Variants in PCDHGA6 observed in about 807,000 individuals in gnomAD.
PCDHGA6 encodes the protein protocadherin gamma subfamily A, 6.
Under a neutral mutation model 60.6 loss-of-function variants are expected in PCDHGA6, and 41 were observed. That is an observed-to-expected ratio of 0.68 (90% CI 0.53 to 0.88). PCDHGA6 has a LOEUF of 0.88. Among genes scored for constraint, PCDHGA6 ranks in the 40% least tolerant of loss-of-function variants. PCDHGA6 has a pLI of 0.00. For synonymous variants in PCDHGA6, 594 were observed against 524.4 expected (o/e 1.13, Z -1.81); for missense variants, 1,312 against 1,203.0 (o/e 1.09, Z -1.34).
At chr5:141,475,832 T>G in intron 1 of PCDHGA6, 1 of 410,610 alleles carries the variant, frequency 2.4e-6, no homozygotes, top group Non-Finnish European at 4.4e-6. Flanking sequence ...CTAGCGCGTG[T>G]CCTGCTCAGA....
intron 1 of PCDHGA6, among the ~76,000 whole-genome samples, 197 bp from the exon 2 acceptor site, chr5:141,494,610 T>C (rs1428159953): frequency 6.6e-6 from 1 of 152,152 alleles, no homozygotes; most frequent in Non-Finnish European, 1.5e-5. Flanking sequence ...GATTTATCTC[T>C]TGGTTTCTGG....
At chr5:141,460,569 T>C (rs1234392082) in intron 1 of PCDHGA6, among the ~76,000 whole-genome samples, 2 of 152,100 alleles carry the variant, frequency 1.3e-5, no homozygotes, top group Admixed American at 1.3e-4. Context: ...GCCATGGACA[T>C]ATGTAGGTGT....
chr5:141,504,956 G>A (rs1327603937), intron 2 of PCDHGA6, among the ~76,000 whole-genome samples: 1 of 152,096 alleles, frequency 6.6e-6, no homozygotes, highest in Non-Finnish European at 1.5e-5. Context: ...TATGTTCAAT[G>A]CATTGGACCA....
chr5:141,428,513 AAAG>A (rs891793310), intron 1 of PCDHGA6: 2 of 280,938 alleles, frequency 7.1e-6, no homozygotes, highest in Non-Finnish European at 1.4e-5. Context: ...GATTCTAGAA[AAAG>A]AAGATTTAAT....
intron 1 of PCDHGA6, chr5:141,378,634 T>C (rs1775059163): frequency 6.6e-6 from 1 of 152,196 alleles, no homozygotes; most frequent in African/African-American, 2.4e-5. Context: ...GACTGGTGAA[T>C]GGGAGAACAA....
In PCDHGA6 at chr5:141,376,519, T is replaced by C. The variant is rs1281722134; in HGVS notation, c.2424+12T>C. 2 of 1,613,930 alleles carry C rather than the reference T, an allele frequency of 1.2e-6. No homozygotes were observed. Among genetic ancestry groups the C allele is most frequent in the Non-Finnish European group, 1.7e-6 (2 of 1,179,876 alleles). On this transcript the variant is annotated intron_variant, in intron 1 of 3. Coordinates refer to ENST00000517434, the MANE Select transcript of PCDHGA6 (RefSeq NM_018919.3). ...CCAGGCAACTTCAGGTGAGTTTCTTTCCGCCTAAGCGGGAAGAGTAATCTG... is the reference window on the plus strand; with the variant it reads ...CCAGGCAACTTCAGGTGAGTTTCTTCCCGCCTAAGCGGGAAGAGTAATCTG...
chr5:141,412,041 T>G (rs2095531468), intron 1 of PCDHGA6: 1 of 152,108 alleles, frequency 6.6e-6, no homozygotes, highest in Non-Finnish European at 1.5e-5. Context: ...GTGAAAGAAG[T>G]GAACTTCTAT....
intron 1 of PCDHGA6, among the ~76,000 whole-genome samples, chr5:141,406,762 A>C (rs942707558): frequency 2.0e-5 from 3 of 152,238 alleles, no homozygotes; most frequent in Non-Finnish European, 4.4e-5. Context: ...CAAGGAATTA[A>C]AAATATTTCT....
Position 141,405,346 on chromosome 5 carries a change from G to T in PCDHGA6, c.2424+28839G>T, listed in dbSNP as rs184640789. 60 of 1,614,108 alleles carry T rather than the reference G, an allele frequency of 3.7e-5. No individual in the cohort carries two copies. The East Asian group carries it at 1.3e-3, about 35-fold the overall frequency. The stretch of plus-strand genomic sequence containing the variant: ...CTTTGTGCGTCTCTGTTGATTCCAA[G>T]TTTCCTATAGAAGACACCCCTTTGG... On this transcript the variant is annotated intron_variant, in intron 1 of 3. Transcript: ENST00000517434.
At chr5:141,419,348 G>A (rs1195474899) in intron 1 of PCDHGA6, 1 of 1,613,816 alleles carries the variant, frequency 6.2e-7, no homozygotes, top group Non-Finnish European at 8.5e-7. Context: ...CAGCGACCTG[G>A]AGTCACGAAC....
chr5:141,444,282 C>T (rs1341316344), intron 1 of PCDHGA6, among the ~76,000 whole-genome samples: 1 of 148,268 alleles, frequency 6.7e-6, no homozygotes, highest in African/African-American at 2.5e-5. Flanking sequence ...AGTGATTCTC[C>T]TGCCTCAGCC....
At position 141,485,662 on chromosome 5, in the gene PCDHGA6, G is replaced by T. The variant is rs778404230; in HGVS notation, c.2425-9145G>T. ...AAAAGGCTCAGGATGCAGATGTGGG[G>T]AGCAATTCGATTAGCAGCTATAGGC... On this transcript the variant is annotated intron_variant, in intron 1 of 3. Coordinates refer to ENST00000517434, the MANE Select transcript of PCDHGA6 (RefSeq NM_018919.3). This position sits in a 1 kb window ranked among gnomAD's most constrained non-coding sequence, Gnocchi z 5.7. The T allele has an allele frequency of 1.1e-5, 18 of 1,612,748 alleles. No individual in the cohort carries two copies. The South Asian group carries it at 1.9e-4, about 17-fold the overall frequency.
At chr5:141,484,009 TG>T (rs2099590446) in intron 1 of PCDHGA6, among the ~76,000 whole-genome samples, 1 of 14,098 alleles carries the variant, frequency 7.1e-5, no homozygotes, top group Admixed American at 8.3e-4. Context: ...TGGATGAGGG[TG>T]GGGGTGGGGT....
intron 1 of PCDHGA6, chr5:141,421,455 C>G (rs762490406): frequency 6.2e-6 from 10 of 1,614,108 alleles, no homozygotes; most frequent in South Asian, 1.1e-5. Flanking sequence ...CACAGCTTTT[C>G]GCTGTGAATC....
Position 141,493,477 on chromosome 5 carries a change from G to A in PCDHGA6, c.2425-1330G>A, listed in dbSNP as rs1657824440. On this transcript the variant is annotated intron_variant, in intron 1 of 3. Transcript: ENST00000517434. This position sits in a 1 kb window ranked among gnomAD's most constrained non-coding sequence, Gnocchi z 4.3. ...TTCCCTTTTAGGACCTTACATGTGG[G>A]GAAAGTCTTCTGTGGCTCCTCATTT... is the stretch of plus-strand genomic sequence containing the variant. Among the ~76,000 whole-genome samples, 3 of 152,124 alleles carry A rather than the reference G, an allele frequency of 2.0e-5. No individual in the cohort carries two copies. The highest frequency in any genetic ancestry group is 6.5e-5 in the Admixed American group (1 of 15,272).
chr5:141,421,102 T>G, intron 1 of PCDHGA6: 1 of 691,404 alleles, frequency 1.4e-6, no homozygotes, highest in Non-Finnish European at 2.4e-6. Flanking sequence ...CACTGGAGAC[T>G]TAGAAGTATT....
At chr5:141,393,374 T>A (rs11575958) in intron 1 of PCDHGA6, 1 of 1,613,626 alleles carries the variant, frequency 6.2e-7, no homozygotes, top group Admixed American at 1.7e-5. Context: ...CTGGAGACAA[T>A]GGAGCCATAA....
chr5:141,421,811 T>A, intron 1 of PCDHGA6: 1 of 1,613,766 alleles, frequency 6.2e-7, no homozygotes, highest in Non-Finnish European at 8.5e-7. Flanking sequence ...AATCCAGAGC[T>A]AGTACTGGAG....
Position 141,510,957 on chromosome 5 carries a change from T to C in PCDHGA6, c.2583T>C (p.Asp861=), listed in dbSNP as rs372617587. ...MILASASEAA[D]GSSTLGGGAG... ...CCTCTGTCTCTGCAGAAGCTGCTGA[T>C]GGGAGCTCCACCCTGGGAGGGGGTG... Residue 861 remains aspartate, a synonymous_variant, in exon 4 of 4, where the codon GAT becomes GAC. Transcript: ENST00000517434. 2.5e-6 allele frequency: 4 copies of C among 1,614,134 alleles called. No individual in the cohort carries two copies. The highest frequency in any genetic ancestry group is 3.4e-6 in the Non-Finnish European group (4 of 1,180,004).
Sources: allele counts gnomAD v4.1 joint callset (sites outside exome capture counted in the v4.1 genomes callset), GRCh38; gene constraint gnomAD v4.1.1; non-coding constraint Gnocchi (gnomAD v3.1); transcripts MANE v1.5; gene names NCBI Gene and HGNC (gene_info 2026-07-23, HGNC 2026-07-21).